XKR4: variants seen among roughly 807,000 people sequenced by gnomAD.
XKR4 encodes the protein XK related 4.
In XKR4, 12 loss-of-function variants were observed where a neutral mutation model predicts 53.9. That is an observed-to-expected ratio of 0.22 (90% CI 0.14 to 0.36). The LOEUF is 0.36. Among genes scored for constraint, XKR4 ranks in the 10% least tolerant of loss-of-function variants. The pLI, the probability that XKR4 is intolerant of heterozygous loss-of-function variation, is 1.00. For synonymous variants in XKR4, 354 were observed against 362.4 expected, an observed-to-expected ratio of 0.98 and a Z score of 0.26; for missense variants, 799 against 859.5, an observed-to-expected ratio of 0.93 and a Z score of 0.88.
intron 2 of XKR4, among the ~76,000 whole-genome samples, chr8:55,376,176 C>A (rs1240294807): frequency 6.6e-6 from 1 of 152,044 alleles, no homozygotes; most frequent in Admixed American, 6.6e-5. Context: ...TGTGAATAGT[C>A]CTGCAGTGAA....
At chr8:55,214,186 G>A (rs1412807976) in intron 1 of XKR4, among the ~76,000 whole-genome samples, 1 of 151,880 alleles carries the variant, frequency 6.6e-6, no homozygotes, top group Non-Finnish European at 1.5e-5. Context: ...TATTTACTTT[G>A]TCAGTTCAGA....
At chr8:55,302,622 C>T (rs943233326) in intron 1 of XKR4, among the ~76,000 whole-genome samples, 9 of 152,236 alleles carry the variant, frequency 5.9e-5, no homozygotes, top group Non-Finnish European at 1.0e-4. Flanking sequence ...TTCTTCCTAC[C>T]CATGAGCATG....
intron 2 of XKR4, among the ~76,000 whole-genome samples, chr8:55,406,045 C>A (rs923324650): frequency 2.0e-5 from 3 of 152,088 alleles, no homozygotes; most frequent in African/African-American, 7.2e-5. Context: ...ATCAGTTGAC[C>A]CTGATCAATG....
At chr8:55,321,539 T>G (rs1211049735) in intron 1 of XKR4, among the ~76,000 whole-genome samples, 1 of 152,204 alleles carries the variant, frequency 6.6e-6, no homozygotes, top group East Asian at 1.9e-4. Context: ...GCATACTCTG[T>G]GCTTTCTCCT....
In XKR4 at chr8:55,480,169, C is replaced by T. The variant is rs150637233; in HGVS notation, c.1007-43112C>T. Among the ~76,000 whole-genome samples the T allele has an allele frequency of 4.4e-3, 666 of 152,218 alleles. 4 individuals carry two copies. Among genetic ancestry groups the T allele is most frequent in the Middle Eastern group, 0.021 (6 of 292 alleles). The stretch of plus-strand genomic sequence containing the variant: ...AATCCTCAATAAAATACTGGCAAAC[C>T]GAATCCAGCAGCACATCAAAAAGCT... On this transcript the variant is annotated intron_variant, in intron 2 of 2. Coordinates refer to ENST00000327381, the MANE Select transcript of XKR4 (RefSeq NM_052898.2).
intron 2 of XKR4, among the ~76,000 whole-genome samples, chr8:55,383,918 A>G (rs1300375138): frequency 6.6e-6 from 1 of 152,132 alleles, no homozygotes; most frequent in African/African-American, 2.4e-5. Flanking sequence ...AATACGGCAA[A>G]TCATGTTTAC....
chr8:55,349,504 C>T (rs1331087545), intron 1 of XKR4, among the ~76,000 whole-genome samples: 1 of 152,106 alleles, frequency 6.6e-6, no homozygotes, highest in African/African-American at 2.4e-5. Context: ...TGATTCCAAG[C>T]TAGAATATTA....
chr8:55,198,510 T>C (rs1817533638), intron 1 of XKR4, among the ~76,000 whole-genome samples: 1 of 151,536 alleles, frequency 6.6e-6, no homozygotes, highest in African/African-American at 2.4e-5. Context: ...ATAAAATGTA[T>C]ATATAAATAT....
rs569209379 is a variant in XKR4 at position 55,384,148 on chromosome 8, C to T, written c.1006+26271C>T. The stretch of plus-strand genomic sequence containing the variant: ...AAACAGCACATGGCAAAGCACAGGA[C>T]GTGTTTCAGGAAGGACAATCTGTCC... On this transcript the variant is annotated intron_variant, in intron 2 of 2. Transcript: ENST00000327381. 1.0e-3 allele frequency among the ~76,000 whole-genome samples: 154 copies of T among 152,214 alleles called. 5 individuals carry two copies. In the South Asian group the frequency reaches 0.029, roughly 29 times the overall value.
chr8:55,528,859 G>A lies in XKR4; in HGVS notation c.*4632G>A, dbSNP rs1232695901. ...CCAGTGTTTCAAAATGGCCAAGGAT[G>A]GGCGATTCCGCTCTATCCCCCATTT... On this transcript the variant is annotated 3_prime_UTR_variant, in exon 3 of 3. Coordinates refer to ENST00000327381, the MANE Select transcript of XKR4 (RefSeq NM_052898.2). 6.6e-6 allele frequency: 1 copy of A among 151,940 alleles called. No individual in the cohort carries two copies. The highest frequency in any genetic ancestry group is 2.4e-5 in the African/African-American group (1 of 41,322). The allele number at this position is 151,940 out of a possible 1,614,324, so 9.4% of individuals were successfully genotyped here. A position where few individuals can be genotyped will look rare whatever the true frequency, so the allele number is the denominator to read the frequency against.
At chr8:55,372,024 G>A (rs906169) in intron 2 of XKR4, among the ~76,000 whole-genome samples, 3,262 of 152,308 alleles carry the variant, frequency 0.021, 76 homozygotes, top group Non-Finnish European at 0.026. Flanking sequence ...TCTGAGGTGT[G>A]GTGAGCACAC....
intron 2 of XKR4, among the ~76,000 whole-genome samples, chr8:55,380,190 G>A (rs1175167537): frequency 6.6e-6 from 1 of 151,568 alleles, no homozygotes; most frequent in Non-Finnish European, 1.5e-5. Context: ...ATATGTGCTA[G>A]CATCCTTGAG....
chr8:55,105,638 T>C (rs1816133096), intron 1 of XKR4, among the ~76,000 whole-genome samples: 1 of 152,222 alleles, frequency 6.6e-6, no homozygotes, highest in South Asian at 2.1e-4. Context: ...AGTAGATAAG[T>C]TTGAATTATC....
At chr8:55,309,091 C>T (rs1046774195) in intron 1 of XKR4, among the ~76,000 whole-genome samples, 2 of 152,172 alleles carry the variant, frequency 1.3e-5, no homozygotes, top group African/African-American at 4.8e-5. Flanking sequence ...CTAGAGCCTC[C>T]AGGAAGAAAC....
intron 1 of XKR4, among the ~76,000 whole-genome samples, chr8:55,219,440 G>A (rs970632438): frequency 5.9e-5 from 9 of 152,112 alleles, no homozygotes; most frequent in African/African-American, 1.9e-4. Context: ...GGGGTGGGGC[G>A]GGGGAAGTGA....
intron 1 of XKR4, among the ~76,000 whole-genome samples, chr8:55,305,445 T>A (rs1345939892): frequency 6.6e-6 from 1 of 152,058 alleles, no homozygotes; most frequent in Admixed American, 6.6e-5. Context: ...CATCTCTTAC[T>A]CCCAAATTAG....
chr8:55,432,688 A>T (rs763598922), intron 2 of XKR4, among the ~76,000 whole-genome samples: 6 of 152,184 alleles, frequency 3.9e-5, no homozygotes, highest in Non-Finnish European at 7.3e-5. Flanking sequence ...TATGTTAGTC[A>T]TATTCCTATT....
chr8:55,437,097 G>T (rs1805188502), intron 2 of XKR4, among the ~76,000 whole-genome samples: 1 of 152,178 alleles, frequency 6.6e-6, no homozygotes, highest in Admixed American at 6.5e-5. Flanking sequence ...TTTTGTTAAG[G>T]AAATAAGTTC....
intron 2 of XKR4, among the ~76,000 whole-genome samples, chr8:55,370,457 T>C (rs560258110): frequency 6.6e-6 from 1 of 152,326 alleles, no homozygotes; most frequent in Admixed American, 6.5e-5. Context: ...TAAGTAGCAG[T>C]AGTTCATTAG....
Sources: gnomAD v4.1 joint callset for allele counts (sites outside exome capture counted in the v4.1 genomes callset) on GRCh38, gnomAD v4.1.1 for gene constraint, MANE v1.5 for transcripts, NCBI Gene and HGNC (gene_info 2026-07-23, HGNC 2026-07-21) for gene names.